PPEF2: variants seen among roughly 807,000 people sequenced by gnomAD.
The protein encoded by PPEF2 is protein phosphatase with EF-hand domain 2, also known as serine/threonine-protein phosphatase with EF-hands 2.
PPEF2 carries 84 observed loss-of-function variants against 84.7 expected under a neutral mutation model. The observed-to-expected ratio is 0.99, with a 90% CI of 0.83 to 1.19. The LOEUF (loss-of-function observed/expected upper bound fraction) is 1.19, where lower values mean the gene tolerates loss of function less well. PPEF2 is among the 50% of genes most tolerant of loss of function. The pLI, the probability that PPEF2 is intolerant of heterozygous loss-of-function variation, is 0.00. For synonymous variants in PPEF2, 346 were observed against 345.2 expected (o/e 1.00, Z -0.03); for missense variants, 924 against 937.5 (o/e 0.99, Z 0.19).
chr4:75,890,797 C>A (rs1724859028), intron 4 of PPEF2, among the ~76,000 whole-genome samples: 1 of 152,192 alleles, frequency 6.6e-6, no homozygotes, highest in Non-Finnish European at 1.5e-5. Context: ...CCTGGCAGTG[C>A]CTTCCAGCAG....
intron 5 of PPEF2, among the ~76,000 whole-genome samples, chr4:75,888,748 C>T (rs527413105): frequency 3.3e-5 from 5 of 152,310 alleles, no homozygotes; most frequent in Admixed American, 1.3e-4. Flanking sequence ...GGATTGAATT[C>T]TGATATAGAG....
chr4:75,878,852 C>T (rs1476387137), intron 10 of PPEF2, among the ~76,000 whole-genome samples: 2 of 152,100 alleles, frequency 1.3e-5, no homozygotes, highest in Non-Finnish European at 2.9e-5. Context: ...GATCTCAGCT[C>T]ACCAAAACCT....
intron 10 of PPEF2, among the ~76,000 whole-genome samples, chr4:75,880,173 T>A (rs1263012556): frequency 2.6e-5 from 4 of 152,216 alleles, no homozygotes; most frequent in African/African-American, 9.7e-5. Flanking sequence ...CCAAGCAGCA[T>A]CCCTAACTTG....
In PPEF2 at chr4:75,890,033, T is replaced by G; in HGVS notation, c.341A>C (p.Tyr114Ser). 1 of 1,614,136 alleles carries G rather than the reference T, an allele frequency of 6.2e-7. No individual in the cohort carries two copies. The highest frequency in any genetic ancestry group is 8.5e-7 in the Non-Finnish European group (1 of 1,180,016). ...DYESIEVPDS[Y>S]TGPRLSFPLL... ...TGGGAAGGAGAGGCGTGGCCCCGTG[T>G]AACTGTCGGGTACCTCTATGGATTC... The change falls in exon 5 of 17, where the codon TAC (tyrosine) becomes TCC (serine). Residue 114 changes from tyrosine (Y) to serine (S), a missense_variant. Tyr to Ser is a moderately radical substitution (Grantham distance 144). Coordinates refer to ENST00000286719, the MANE Select transcript of PPEF2 (RefSeq NM_006239.3).
intron 6 of PPEF2, 43 bp from the exon 7 acceptor site, chr4:75,886,941 A>C (rs771558022): frequency 2.8e-6 from 3 of 1,084,922 alleles, no homozygotes; most frequent in Admixed American, 4.9e-5. Flanking sequence ...ATTGTTCCTT[A>C]CCAGTGCTTC....
intron 8 of PPEF2, among the ~76,000 whole-genome samples, chr4:75,883,773 G>A (rs1416421177): frequency 7.6e-5 from 10 of 131,952 alleles, no homozygotes; most frequent in South Asian, 2.4e-4. Context: ...AGCCGAGATC[G>A]CACCACTGCA....
intron 16 of PPEF2, among the ~76,000 whole-genome samples, chr4:75,863,993 C>T (rs1039769995): frequency 6.6e-6 from 1 of 151,874 alleles, no homozygotes; most frequent in Non-Finnish European, 1.5e-5. Context: ...CTGCCTCAGC[C>T]TCCCAAGTAC....
At chr4:75,902,084 C>T (rs956216222) in intron 1 of PPEF2, 146 bp downstream of exon 1, 8 of 152,180 alleles carry the variant, frequency 5.3e-5, no homozygotes, top group Non-Finnish European at 1.0e-4. Context: ...AGCAAAGACC[C>T]CATCTGGATG....
chr4:75,863,311 G>A (rs1724049272), intron 16 of PPEF2, among the ~76,000 whole-genome samples: 2 of 144,168 alleles, frequency 1.4e-5, no homozygotes, highest in Admixed American at 1.5e-4. Context: ...CTAACATGGT[G>A]AAATCCTGTC....
chr4:75,883,896 G>A (rs576943958), intron 8 of PPEF2, among the ~76,000 whole-genome samples: 6 of 151,840 alleles, frequency 4.0e-5, no homozygotes, highest in East Asian at 1.9e-4. Flanking sequence ...TCGGGAGGCT[G>A]GGACGGGTGT....
rs1724664763 is a variant in PPEF2 at position 75,884,359 on chromosome 4, C to T, written c.746+235G>A. On this transcript the variant is annotated intron_variant, in intron 8 of 16. Coordinates refer to ENST00000286719, the MANE Select transcript of PPEF2 (RefSeq NM_006239.3). ...AGGAGAATCACTTAAACCCAGGAAG[C>T]AGAGGTTGCAGTGAGCCAAGATTGC... 3.3e-5 allele frequency among the ~76,000 whole-genome samples: 5 copies of T among 150,032 alleles called. No individual in the cohort carries two copies. The South Asian group carries it at 1.0e-3, about 31-fold the overall frequency.
At chr4:75,867,208 G>A in intron 14 of PPEF2, 105 bp downstream of exon 14, 2 of 738,986 alleles carry the variant, frequency 2.7e-6, no homozygotes, top group Non-Finnish European at 2.2e-6. Context: ...AGGGAACTTT[G>A]GGTCACTCAT....
At chr4:75,876,180 C>CGAA in intron 11 of PPEF2, 107 bp downstream of exon 11, 1 of 660,932 alleles carries the variant, frequency 1.5e-6, no homozygotes, top group Non-Finnish European at 2.1e-6. Flanking sequence ...GTTGTTACCC[C>CGAA]AGAAAGAGAA....
rs542623613 is a variant in PPEF2, at chr4:75,887,130, T to G, written c.533-232A>C. On this transcript the variant is annotated intron_variant, in intron 6 of 16. Transcript: ENST00000286719. ...ATTATAAATAGTAAATGAGCTACAT[T>G]TTTATTGAAGCAAAGATGCGATAGA... 2.0e-5 allele frequency among the ~76,000 whole-genome samples: 3 copies of G among 152,330 alleles called. No homozygotes were observed. In the South Asian group the frequency reaches 6.2e-4, roughly 32 times the overall value.
At chr4:75,879,204 G>T (rs1724504270) in intron 10 of PPEF2, among the ~76,000 whole-genome samples, 1 of 152,228 alleles carries the variant, frequency 6.6e-6, no homozygotes, top group Non-Finnish European at 1.5e-5. Context: ...GATAGGTCTT[G>T]CTTGCCTTGC....
chr4:75,895,921 T>C (rs1312146254), intron 2 of PPEF2, among the ~76,000 whole-genome samples: 1 of 152,002 alleles, frequency 6.6e-6, no homozygotes, highest in Non-Finnish European at 1.5e-5. Flanking sequence ...TAGAGGGAGC[T>C]CATGCTTCCT....
intron 8 of PPEF2, 90 bp downstream of exon 8, chr4:75,884,504 G>A (rs1724669612): frequency 7.3e-7 from 1 of 1,364,270 alleles, no homozygotes; most frequent in Admixed American, 2.5e-5. Context: ...TAGTTTTAAA[G>A]GCATTTAACA....
rs368098254 is a variant in PPEF2, at chr4:75,860,290, C to A, written c.*377G>T. 3 of 209,678 alleles carry A rather than the reference C, an allele frequency of 1.4e-5. No homozygotes were observed. The South Asian group carries it at 2.6e-4, about 18-fold the overall frequency. 13.0% of individuals were successfully genotyped at this position (209,678 alleles called of 1,614,324 possible). On this transcript the variant is annotated 3_prime_UTR_variant, in exon 17 of 17. Coordinates refer to ENST00000286719, the MANE Select transcript of PPEF2 (RefSeq NM_006239.3). ...CTGGGAGGCGGACTTTGCGGTGAGCCGAGATCGCGCCAATGCACTCCAGCC... is the reference window on the plus strand; with the variant it reads ...CTGGGAGGCGGACTTTGCGGTGAGCAGAGATCGCGCCAATGCACTCCAGCC...
At chr4:75,892,743 GGT>G (rs1724920300) in intron 2 of PPEF2, among the ~76,000 whole-genome samples, 1 of 152,146 alleles carries the variant, frequency 6.6e-6, no homozygotes, top group African/African-American at 2.4e-5. Flanking sequence ...GGCAGGTTAG[GGT>G]GTGGAGTTTC....
Sources: gnomAD v4.1 joint callset for allele counts (sites outside exome capture counted in the v4.1 genomes callset) on GRCh38, gnomAD v4.1.1 for gene constraint, MANE v1.5 for transcripts, NCBI Gene and HGNC (gene_info 2026-07-23, HGNC 2026-07-21) for gene names.